The following OVCH1 variants were observed in gnomAD, a reference collection of about 807,000 sequenced individuals.
OVCH1 encodes ovochymase 1.
In OVCH1, 139 loss-of-function variants were observed where a neutral mutation model predicts 138.4. The observed-to-expected ratio is 1.00, with a 90% confidence interval of 0.87 to 1.16. OVCH1 has a LOEUF of 1.16. Among genes scored for constraint, OVCH1 ranks in the 50% most tolerant of loss-of-function variants. The pLI is 0.00. For missense variants in OVCH1, 1,367 were observed against 1,357.9 expected (o/e 1.01, Z -0.11); for synonymous variants, 453 against 467.8 (o/e 0.97, Z 0.41).
At chr12:29,441,161 A>G (rs1232080040) in intron 25 of OVCH1, among the ~76,000 whole-genome samples, 1 of 152,204 alleles carries the variant, frequency 6.6e-6, no homozygotes, top group East Asian at 1.9e-4. Context: ...CGCATTGCCA[A>G]GTCAATCCTA....
rs557253016 is a variant in OVCH1 at position 29,413,651 on chromosome 12, CTGTG to C, written c.*72-930_*72-927del. ...AAACAATGTGCATTTATGTATGTGTCTGTGTGTATTACACACATACACACACACA... is the reference window on the plus strand; with the variant it reads ...AAACAATGTGCATTTATGTATGTGTCTGTATTACACACATACACACACACA... On this transcript the variant is annotated intron_variant and NMD_transcript_variant, in intron 3 of 4. Coordinates refer to the OVCH1 transcript ENST00000539117. Among the ~76,000 whole-genome samples, 347 of 138,196 alleles carry C rather than the reference CTGTG, an allele frequency of 2.5e-3. 2 individuals carry two copies. Among genetic ancestry groups the C allele is most frequent in the Middle Eastern group, 0.019 (5 of 262 alleles). 90.7% of individuals were successfully genotyped at this position (138,196 alleles called of 152,430 possible). A position where few individuals can be genotyped will look rare whatever the true frequency, so the allele number is the denominator to read the frequency against.
rs752595374 is a variant in OVCH1 at position 29,461,847 on chromosome 12, C to T, written c.2280+7G>A. ...CACCTTCCTGTATAAAACCAGAATC[C>T]TCTCACCTGGCAGAAATCTTTCTCT... On this transcript the variant is annotated splice_region_variant and intron_variant, in intron 19 of 27. Coordinates refer to ENST00000318184, the Ensembl canonical transcript of OVCH1. 7 of 1,613,668 alleles carry T rather than the reference C, an allele frequency of 4.3e-6. No individual in the cohort carries two copies. The highest frequency in any genetic ancestry group is 5.9e-6 in the Non-Finnish European group (7 of 1,179,712).
intron 16 of OVCH1, among the ~76,000 whole-genome samples, chr12:29,470,086 A>G (rs1942452223): frequency 6.6e-6 from 1 of 152,182 alleles, no homozygotes; most frequent in Non-Finnish European, 1.5e-5. Flanking sequence ...ATAAACTACA[A>G]TTGTTACATA....
chr12:29,431,043 A>G (rs1413593892), intron 27 of OVCH1: 7 of 337,478 alleles, frequency 2.1e-5, no homozygotes, highest in Non-Finnish European at 2.4e-5. Context: ...GGGTCAATAC[A>G]CCCAATTAAA....
At chr12:29,413,023 T>G (rs1486049338) in intron 3 of OVCH1, among the ~76,000 whole-genome samples, 1 of 98,172 alleles carries the variant, frequency 1.0e-5, no homozygotes, top group African/African-American at 3.2e-5. Context: ...TCCAGCTAAT[T>G]CTTTTTTTTT....
intron 19 of OVCH1, among the ~76,000 whole-genome samples, chr12:29,457,110 T>C (rs575649970): frequency 3.3e-5 from 5 of 152,342 alleles, no homozygotes; most frequent in East Asian, 1.9e-4. Flanking sequence ...GTCTGTAATG[T>C]AGAACAATTA....
At chr12:29,423,928 T>A (rs1184950404), downstream of OVCH1, among the ~76,000 whole-genome samples, 1 of 152,058 alleles carries the variant, frequency 6.6e-6, no homozygotes, top group Non-Finnish European at 1.5e-5. Flanking sequence ...AACCAACAAA[T>A]AACCTGGAAG....
At chr12:29,496,194 C>G (rs1400901506) in exon 3 of OVCH1, 1 of 1,606,864 alleles carries the variant, frequency 6.2e-7, no homozygotes. Flanking sequence ...CTGAGGCTGT[C>G]CAGGCAGTGT....
At chr12:29,403,913 G>T in the OVCH1 span, among the ~76,000 whole-genome samples, 1 of 152,122 alleles carries the variant, frequency 6.6e-6, no homozygotes, top group Non-Finnish European at 1.5e-5. Context: ...AAAATATACA[G>T]CATACACATG....
intron 23 of OVCH1, among the ~76,000 whole-genome samples, chr12:29,444,518 A>G (rs1941564935): frequency 6.6e-6 from 1 of 152,080 alleles, no homozygotes; most frequent in Non-Finnish European, 1.5e-5. Context: ...ATGGAAGATT[A>G]TAGGACACAG....
intron 3 of OVCH1, among the ~76,000 whole-genome samples, chr12:29,416,436 T>C (rs955606797): frequency 3.9e-5 from 6 of 152,090 alleles, no homozygotes; most frequent in East Asian, 1.9e-4. Context: ...GGCTAGAATA[T>C]ATAAAGAATC....
chr12:29,486,198 T>C, intron 8 of OVCH1, 52 bp downstream of exon 8: 1 of 1,498,362 alleles, frequency 6.7e-7, no homozygotes, highest in Non-Finnish European at 9.3e-7. Context: ...TTTGCTTTCC[T>C]CTGATGACTT....
the OVCH1 span, among the ~76,000 whole-genome samples, chr12:29,402,922 T>C: frequency 6.6e-6 from 1 of 152,152 alleles, no homozygotes; most frequent in Non-Finnish European, 1.5e-5. Flanking sequence ...TACAGAAATA[T>C]TTTGTGCTCA....
At chr12:29,409,217 G>C (rs1940921461), downstream of OVCH1, among the ~76,000 whole-genome samples, 1 of 151,864 alleles carries the variant, frequency 6.6e-6, no homozygotes, top group African/African-American at 2.4e-5. Flanking sequence ...TATTAGTCTT[G>C]CTAGCGGTCT....
At chr12:29,414,569 T>C (rs2135874783) in intron 3 of OVCH1, among the ~76,000 whole-genome samples, 1 of 152,306 alleles carries the variant, frequency 6.6e-6, no homozygotes, top group African/African-American at 2.4e-5. Context: ...CTAGCAACTA[T>C]TGCTACATTG....
chr12:29,417,758 CAAGTGT>C (rs1427746456), intron 3 of OVCH1, among the ~76,000 whole-genome samples: 3 of 112,172 alleles, frequency 2.7e-5, no homozygotes, highest in Non-Finnish European at 3.8e-5. Context: ...ACCTGGCCTA[CAAGTGT>C]GTGTGTGTGT....
At chr12:29,449,348 A>C (rs1941713084) in intron 22 of OVCH1, among the ~76,000 whole-genome samples, 1 of 151,040 alleles carries the variant, frequency 6.6e-6, no homozygotes, top group South Asian at 2.1e-4. Context: ...CGCTTTCTCA[A>C]TTCAAAGTAC....
chr12:29,477,931 G>A (rs1254747895), intron 9 of OVCH1, among the ~76,000 whole-genome samples: 1 of 152,136 alleles, frequency 6.6e-6, no homozygotes, highest in Non-Finnish European at 1.5e-5. Flanking sequence ...ACAAATGATT[G>A]GTTGAAAGAA....
intron 1 of OVCH1, 138 bp downstream of exon 1, chr12:29,497,484 AC>A (rs1398677078): frequency 1.9e-5 from 19 of 984,974 alleles, no homozygotes; most frequent in Non-Finnish European, 2.1e-5. Flanking sequence ...AGCATGCACC[AC>A]CCCCTCACCC....
Sources: allele counts gnomAD v4.1 joint callset (sites outside exome capture counted in the v4.1 genomes callset), GRCh38; gene constraint gnomAD v4.1.1; transcripts MANE v1.5; gene names NCBI Gene and HGNC (gene_info 2026-07-23, HGNC 2026-07-21).